The following NEDD4 variants were observed in gnomAD, a reference collection of about 807,000 sequenced individuals.
NEDD4 encodes the protein E3 ubiquitin-protein ligase NEDD4.
In NEDD4, 99 loss-of-function variants were observed where a neutral mutation model predicts 144.9. The observed-to-expected ratio is 0.68, with a 90% CI of 0.58 to 0.81. NEDD4 has a LOEUF of 0.81. NEDD4 is among the 30% of genes least tolerant of loss of function. The pLI is 0.00. For synonymous variants in NEDD4, 318 were observed against 350.6 expected (o/e 0.91, Z 1.04); for missense variants, 985 against 1,065.9 (o/e 0.92, Z 1.06).
chr15:55,952,152 C>T (rs2037252653), intron 2 of NEDD4, among the ~76,000 whole-genome samples: 1 of 151,672 alleles, frequency 6.6e-6, no homozygotes, highest in Non-Finnish European at 1.5e-5. Flanking sequence ...CATGGTGAAA[C>T]CCCGTCTCTA....
At position 55,935,691 on chromosome 15, in the gene NEDD4, C is replaced by CA. The variant is rs1200370267; in HGVS notation, c.238-10993dup. 1.6e-4 allele frequency among the ~76,000 whole-genome samples: 25 copies of CA among 151,772 alleles called. 1 individual carries two copies. The highest frequency in any genetic ancestry group is 6.0e-4 in the African/African-American group (25 of 41,382). On this transcript the variant is annotated intron_variant, in intron 4 of 28. Coordinates refer to ENST00000435532, the MANE Select transcript of NEDD4 (RefSeq NM_006154.4). ...TGAAACCCTGTCTCTACTAAAACTA[C>CA]AAAAAATTAGCCAAGCGTGGTGGCA... is the stretch of plus-strand genomic sequence containing the variant.
chr15:55,890,632 C>T (rs1206929072), intron 5 of NEDD4, among the ~76,000 whole-genome samples: 2 of 152,176 alleles, frequency 1.3e-5, no homozygotes, highest in African/African-American at 4.8e-5. Flanking sequence ...AATAATGCCA[C>T]TATGAACATT....
rs1555392050 is a variant in NEDD4 at position 55,835,439 on chromosome 15, T to TA, written c.2263-1154_2263-1153insT. 1.5e-4 allele frequency among the ~76,000 whole-genome samples: 22 copies of TA among 142,916 alleles called. No homozygotes were observed. The South Asian group carries it at 1.6e-3, about 10-fold the overall frequency. The allele number at this position is 142,916 out of a possible 152,430, so 93.8% of individuals were successfully genotyped here. ...TGTTCTGTTTTTTTTTTTTTTTTTTTCCCATGCCCTAAACTGTCCATTTAT... is the reference window on the plus strand; with the variant it reads ...TGTTCTGTTTTTTTTTTTTTTTTTTTACCCATGCCCTAAACTGTCCATTTAT... On this transcript the variant is annotated intron_variant, in intron 24 of 28. Transcript: ENST00000435532.
At chr15:55,833,553 C>G (rs180855906) in intron 26 of NEDD4, among the ~76,000 whole-genome samples, 262 of 152,142 alleles carry the variant, frequency 1.7e-3, no homozygotes, top group Non-Finnish European at 3.0e-3. Flanking sequence ...CCCAGCTACT[C>G]GGGAAGCTGA....
At chr15:55,889,063 T>C (rs945478690) in intron 5 of NEDD4, among the ~76,000 whole-genome samples, 46 of 152,142 alleles carry the variant, frequency 3.0e-4, no homozygotes, top group Non-Finnish European at 6.5e-4. Flanking sequence ...TAATACTCCA[T>C]AAGCACAGAC....
At chr15:55,954,814 G>A (rs893658967) in intron 2 of NEDD4, among the ~76,000 whole-genome samples, 16 of 151,670 alleles carry the variant, frequency 1.1e-4, no homozygotes, top group Non-Finnish European at 1.8e-4. Flanking sequence ...GTGAGCCACC[G>A]TGCCTAGCCG....
At chr15:55,852,734 C>A (rs1479111381) in intron 12 of NEDD4, among the ~76,000 whole-genome samples, 191 bp from the exon 13 acceptor site, 2 of 139,868 alleles carry the variant, frequency 1.4e-5, no homozygotes, top group East Asian at 2.0e-4. Context: ...TTTACCTTTT[C>A]TGAGAGAGTG....
intron 5 of NEDD4, among the ~76,000 whole-genome samples, chr15:55,886,011 G>T (rs570314497): frequency 6.6e-6 from 1 of 151,764 alleles, no homozygotes; most frequent in African/African-American, 2.4e-5. Context: ...GATGGAAAAA[G>T]GTACTTCATT....
At chr15:55,843,542 T>C (rs2033610959) in intron 18 of NEDD4, among the ~76,000 whole-genome samples, 1 of 152,158 alleles carries the variant, frequency 6.6e-6, no homozygotes, top group African/African-American at 2.4e-5. Flanking sequence ...CAGTACTTCA[T>C]GGGCAAATTT....
chr15:55,940,979 A>G lies in NEDD4; in HGVS notation c.237+10397T>C, dbSNP rs1411499553. Among the ~76,000 whole-genome samples, 4 of 152,318 alleles carry G rather than the reference A, an allele frequency of 2.6e-5. No individual in the cohort carries two copies. The East Asian group carries it at 7.7e-4, about 29-fold the overall frequency. ...TGTTTCTACTTATATTGGTTTTAGTATATTTTGGCTTATAAGAATTTATCC... is the reference window on the plus strand; with the variant it reads ...TGTTTCTACTTATATTGGTTTTAGTGTATTTTGGCTTATAAGAATTTATCC... On this transcript the variant is annotated intron_variant, in intron 4 of 28. Transcript: ENST00000435532.
At position 55,962,780 on chromosome 15, in the gene NEDD4, C is replaced by T. The variant is rs149604968; in HGVS notation, c.119+3693G>A. ...TTTTGTTCATTTGTTCCTCCTTTTCCGACTTTTATTTTTTTTATTTTATTT... is the reference window on the plus strand; with the variant it reads ...TTTTGTTCATTTGTTCCTCCTTTTCTGACTTTTATTTTTTTTATTTTATTT... On this transcript the variant is annotated intron_variant, in intron 2 of 28. Coordinates refer to ENST00000435532, the MANE Select transcript of NEDD4 (RefSeq NM_006154.4). Among the ~76,000 whole-genome samples the T allele has an allele frequency of 3.6e-3, 551 of 151,254 alleles. 1 individual carries two copies. The highest frequency in any genetic ancestry group is 5.8e-3 in the Non-Finnish European group (394 of 67,776).
At chr15:55,991,363 T>C (rs1440496392) in intron 1 of NEDD4, among the ~76,000 whole-genome samples, 11 of 152,072 alleles carry the variant, frequency 7.2e-5, no homozygotes, top group African/African-American at 2.7e-4. Flanking sequence ...AGAAAATAAA[T>C]GGCAAATGAT....
At chr15:55,887,719 T>C (rs773175432) in intron 5 of NEDD4, among the ~76,000 whole-genome samples, 7 of 152,068 alleles carry the variant, frequency 4.6e-5, no homozygotes, top group Non-Finnish European at 7.4e-5. Context: ...CAAGCATTGA[T>C]ACAAAAATCC....
intron 11 of NEDD4, among the ~76,000 whole-genome samples, chr15:55,858,626 G>A (rs1335143510): frequency 6.6e-6 from 1 of 152,126 alleles, no homozygotes; most frequent in Non-Finnish European, 1.5e-5. Context: ...TTAGGTCTTT[G>A]ACTGACCTGT....
At chr15:55,890,862 T>C (rs2035549572) in intron 5 of NEDD4, among the ~76,000 whole-genome samples, 1 of 152,198 alleles carries the variant, frequency 6.6e-6, no homozygotes, top group Admixed American at 6.5e-5. Context: ...TATACCATCG[T>C]GGCTTTTTGC....
intron 5 of NEDD4, among the ~76,000 whole-genome samples, chr15:55,903,173 T>C (rs2035965670): frequency 6.6e-6 from 1 of 152,204 alleles, no homozygotes; most frequent in Non-Finnish European, 1.5e-5. Context: ...TAGATTGTAG[T>C]CAGCCCAAAT....
intron 5 of NEDD4, among the ~76,000 whole-genome samples, chr15:55,922,152 A>T (rs2036580371): frequency 6.6e-6 from 1 of 152,224 alleles, no homozygotes; most frequent in South Asian, 2.1e-4. Context: ...TTGTAAGAGC[A>T]AAATACTGGA....
intron 14 of NEDD4, 47 bp downstream of exon 14, chr15:55,850,495 G>A: frequency 1.3e-6 from 2 of 1,558,544 alleles, no homozygotes; most frequent in Non-Finnish European, 1.8e-6. Flanking sequence ...ATACATAAGA[G>A]ATGATTATTG....
intron 1 of NEDD4, among the ~76,000 whole-genome samples, chr15:55,977,989 A>G (rs1219683539): frequency 1.3e-5 from 2 of 152,226 alleles, no homozygotes; most frequent in Non-Finnish European, 2.9e-5. Flanking sequence ...AAGTGACAAC[A>G]GCAAATAATG....
Sources: gnomAD v4.1 joint callset for allele counts (sites outside exome capture counted in the v4.1 genomes callset) on GRCh38, gnomAD v4.1.1 for gene constraint, MANE v1.5 for transcripts, NCBI Gene and HGNC (gene_info 2026-07-23, HGNC 2026-07-21) for gene names.